Variants in DNAH17 observed in about 807,000 individuals in gnomAD.
DNAH17 encodes the protein axonemal beta dynein heavy chain 17.
A neutral mutation model predicts 485.6 loss-of-function variants in DNAH17; 376 were observed. The ratio of observed to expected loss-of-function variants is 0.77; its 90% confidence interval spans 0.71 to 0.84. The LOEUF is 0.84. Ranked by LOEUF, DNAH17 falls within the 40% of genes least tolerant of loss-of-function variation. DNAH17 has a pLI of 0.00. For missense variants in DNAH17, 6,370 were observed against 5,839.3 expected (o/e 1.09, Z -2.96); for synonymous variants, 3,031 against 2,405.9 (o/e 1.26, Z -7.60).
Position 78,543,897 on chromosome 17 carries a change from G to A in DNAH17, c.2492C>T (p.Ala831Val), listed in dbSNP as rs368828778. ...GATCTTCACTCCAGCATCCCTGACT[G>A]CTGCGTAGCGCTTGTTGAGGTTGGC... ...RIANLNKRYA[A>V]VRDAGVKIQA... Residue 831 changes from alanine to valine, a missense_variant, in exon 17 of 81, where the codon GCA becomes GTA. Transcript: ENST00000389840. 2.2e-5 allele frequency: 35 copies of A among 1,614,046 alleles called. No homozygotes were observed. In the African/African-American group the frequency reaches 2.3e-4, roughly 10 times the overall value.
chr17:78,498,909 C>T, intron 37 of DNAH17, 99 bp downstream of exon 37: 2 of 917,050 alleles, frequency 2.2e-6, no homozygotes, highest in South Asian at 1.9e-5. Flanking sequence ...TGGAACGTTG[C>T]AGAGAGGCAA....
intron 27 of DNAH17, among the ~76,000 whole-genome samples, chr17:78,508,056 G>A (rs866680762): frequency 6.6e-6 from 1 of 152,160 alleles, no homozygotes; most frequent in South Asian, 2.1e-4. Context: ...CTGCCACAAC[G>A]CGGATAAACC....
chr17:78,532,415 A>G (rs2091264496), intron 20 of DNAH17, 67 bp downstream of exon 20: 2 of 1,517,360 alleles, frequency 1.3e-6, no homozygotes. Context: ...GTTTTAAAGC[A>G]AGCCTGGTGA....
intron 48 of DNAH17, among the ~76,000 whole-genome samples, chr17:78,483,034 A>G (rs1202662216): frequency 6.6e-6 from 1 of 152,220 alleles, no homozygotes; most frequent in Non-Finnish European, 1.5e-5. Context: ...CCCTCACAGT[A>G]GACCTGCCTG....
Position 78,425,756 on chromosome 17 carries a change from C to CTTTTTTTTTTTTTTTTTTTTTT in DNAH17, c.12916-207_12916-186dup, listed in dbSNP as rs71160294. Among the ~76,000 whole-genome samples the CTTTTTTTTTTTTTTTTTTTTTT allele has an allele frequency of 4.1e-5, 5 of 120,770 alleles. 1 individual carries two copies. The highest frequency in any genetic ancestry group is 1.6e-4 in the Admixed American group (2 of 12,358). The allele number at this position is 120,770 out of a possible 152,430, so 79.2% of individuals were successfully genotyped here. ...TACCATGACGCAACTTTGGTGTCTG[C>CTTTTTTTTTTTTTTTTTTTTTT]TTTTTTTTTTTTTTTTTTTTTTTTT... On this transcript the variant is annotated intron_variant, in intron 79 of 80. Transcript: ENST00000389840.
At chr17:78,524,974 C>A (rs777722345) in intron 25 of DNAH17, 35 bp downstream of exon 25, 1 of 1,582,796 alleles carries the variant, frequency 6.3e-7, no homozygotes, top group South Asian at 1.1e-5. Context: ...CTGCAGAATC[C>A]CGGGCCCCAC....
intron 22 of DNAH17, among the ~76,000 whole-genome samples, chr17:78,529,050 TCTC>T (rs2091156019): frequency 1.3e-5 from 2 of 151,122 alleles, no homozygotes; most frequent in South Asian, 4.2e-4. Context: ...TTCAAGCAAT[TCTC>T]CTGCCTCAGC....
chr17:78,458,844 G>A (rs903846532), intron 61 of DNAH17, 157 bp downstream of exon 61: 16 of 1,038,252 alleles, frequency 1.5e-5, no homozygotes, highest in East Asian at 1.0e-4. Flanking sequence ...AGCGGCTCCC[G>A]GCACCATCTG....
chr17:78,441,756 T>C (rs572709823), intron 71 of DNAH17, among the ~76,000 whole-genome samples: 2 of 152,238 alleles, frequency 1.3e-5, no homozygotes, highest in South Asian at 4.1e-4. Flanking sequence ...GGGCTGAGCT[T>C]ACTGTAATGT....
intron 16 of DNAH17, among the ~76,000 whole-genome samples, chr17:78,546,869 T>C (rs959726785): frequency 2.0e-5 from 3 of 151,948 alleles, no homozygotes; most frequent in Admixed American, 2.0e-4. Flanking sequence ...TGTGCCATTG[T>C]ACTCCAGCCT....
At position 78,527,411 on chromosome 17, in the gene DNAH17, TC is replaced by T. The variant is rs528128734; in HGVS notation, c.3508-416del. On this transcript the variant is annotated intron_variant, in intron 22 of 80. Coordinates refer to ENST00000389840, the MANE Select transcript of DNAH17 (RefSeq NM_173628.4). ...AAAAAAACAAAAACAAAAACCAGCC[TC>T]CTTAATGGCGAACTAGGACATTGAC... Among the ~76,000 whole-genome samples the T allele has an allele frequency of 3.2e-3, 494 of 152,108 alleles. 13 individuals are homozygous for T. The highest frequency in any genetic ancestry group is 5.3e-4 in the Non-Finnish European group (36 of 67,992).
rs562493148 is a variant in DNAH17, at chr17:78,551,595, G to A, written c.2331C>T (p.Asn777=). The A allele has an allele frequency of 6.2e-7, 1 of 1,614,040 alleles. No individual in the cohort carries two copies. Among genetic ancestry groups the A allele is most frequent in the African/African-American group, 1.3e-5 (1 of 75,054 alleles). ...TTGCCTTTTGCATCCTGTTCTGCAA[G>A]TTGTGCAGAATTTCTCGCACCTCTT... The part of the protein sequence containing the change: ...YIQEVREILH[N]LQNRMQKAKQ... The change falls in exon 16 of 81, where the codon AAC becomes AAT. Residue 777 remains asparagine, a synonymous_variant. Transcript: ENST00000389840.
chr17:78,458,942 TG>T, intron 61 of DNAH17, 58 bp downstream of exon 61: 1 of 1,563,028 alleles, frequency 6.4e-7, no homozygotes, highest in Non-Finnish European at 8.8e-7. Context: ...AGGTATTGAC[TG>T]GCAGCGCGAG....
chr17:78,534,504 T>C (rs568426405), intron 19 of DNAH17, among the ~76,000 whole-genome samples: 43 of 152,332 alleles, frequency 2.8e-4, no homozygotes, highest in African/African-American at 9.6e-4. Context: ...AATTCAGCCA[T>C]GGGCTCGCCT....
In DNAH17 at chr17:78,501,881, GGA is replaced by G. The variant is rs755486629; in HGVS notation, c.5191-10_5191-9del. 2.5e-6 allele frequency: 4 copies of G among 1,613,928 alleles called. No individual in the cohort carries two copies. In the South Asian group the frequency reaches 3.3e-5, roughly 13 times the overall value. ...TACGTTCAGCTGGCTAATCTGCGGGGGAGAGTGCCTTCGATGAGACACCACGG... is the reference window on the plus strand; with the variant it reads ...TACGTTCAGCTGGCTAATCTGCGGGGGAGTGCCTTCGATGAGACACCACGG... On this transcript the variant is annotated splice_polypyrimidine_tract_variant and intron_variant, in intron 33 of 80. Coordinates refer to ENST00000389840, the MANE Select transcript of DNAH17 (RefSeq NM_173628.4).
rs745648435 is a variant in DNAH17, at chr17:78,444,668, T to A, written c.11464A>T (p.Thr3822Ser). 6.2e-7 allele frequency: 1 copy of A among 1,610,050 alleles called. No homozygotes were observed. The part of the protein sequence containing the change: ...EIFPKEWKNK[T>S]ALQKLCMVRC... ...ACCATGCACAGCTTCTGCAGGGCCG[T>A]CTTGTTCTTCCACTCCTTGGGGAAG... Residue 3822 changes from threonine to serine, a missense_variant, in exon 71 of 81, where the codon ACG (threonine) becomes TCG (serine). Coordinates refer to ENST00000389840, the MANE Select transcript of DNAH17 (RefSeq NM_173628.4).
At chr17:78,530,642 G>T in intron 20 of DNAH17, 130 bp from the exon 21 acceptor site, 1 of 1,086,856 alleles carries the variant, frequency 9.2e-7, no homozygotes, top group Non-Finnish European at 1.3e-6. Context: ...CTGGGGCCAG[G>T]GTCAGCAAAG....
chr17:78,502,311 A>T (rs73380870), intron 33 of DNAH17: 1,091 of 330,718 alleles, frequency 3.3e-3, no homozygotes, highest in South Asian at 6.9e-3. Flanking sequence ...AACCAAGGAC[A>T]TTTTTTTTTT....
intron 16 of DNAH17, among the ~76,000 whole-genome samples, chr17:78,546,157 C>G (rs1305688784): frequency 6.6e-6 from 1 of 152,126 alleles, no homozygotes; most frequent in African/African-American, 2.4e-5. Flanking sequence ...AGGCCCTAGG[C>G]TCAAGCAATA....
Sources: gnomAD v4.1 joint callset for allele counts (sites outside exome capture counted in the v4.1 genomes callset) on GRCh38, gnomAD v4.1.1 for gene constraint, MANE v1.5 for transcripts, NCBI Gene and HGNC (gene_info 2026-07-23, HGNC 2026-07-21) for gene names.